TTC8: variants seen among roughly 807,000 people sequenced by gnomAD.
The protein encoded by TTC8 is tetratricopeptide repeat protein 8.
TTC8 carries 47 observed loss-of-function variants against 72.5 expected under a neutral mutation model. The ratio of observed to expected loss-of-function variants is 0.65; its 90% CI spans 0.51 to 0.83. The LOEUF (loss-of-function observed/expected upper bound fraction) is 0.83, where lower values mean the gene tolerates loss of function less well. Ranked by LOEUF, TTC8 falls within the 40% of genes least tolerant of loss-of-function variation. The pLI is 0.00. For synonymous variants in TTC8, 199 were observed against 221.4 expected (o/e 0.90, Z 0.90); for missense variants, 611 against 623.2 (o/e 0.98, Z 0.21).
downstream of TTC8, chr14:88,879,328 A>G (rs2094966905): frequency 6.6e-6 from 1 of 152,166 alleles, no homozygotes; most frequent in Admixed American, 6.5e-5. Flanking sequence ...AGAACACAAA[A>G]AATACTAATA....
At chr14:88,832,152 C>G (rs2094728703) in intron 1 of TTC8, among the ~76,000 whole-genome samples, 1 of 152,202 alleles carries the variant, frequency 6.6e-6, no homozygotes, top group Non-Finnish European at 1.5e-5. Context: ...ACACACTCTT[C>G]ATCCACATGA....
intron 8 of TTC8, among the ~76,000 whole-genome samples, chr14:88,856,526 T>C (rs61509961): frequency 0.033 from 5,052 of 152,228 alleles, 292 homozygotes; most frequent in African/African-American, 0.12. Flanking sequence ...GAAAGTTGTG[T>C]GTGTTTTAAT....
intron 1 of TTC8, chr14:88,830,972 C>T: frequency 4.4e-6 from 2 of 455,296 alleles, no homozygotes; most frequent in Non-Finnish European, 8.8e-6. Context: ...ATCCCACATA[C>T]TCAGCAGAGT....
Position 88,877,568 on chromosome 14 carries a change from T to C in TTC8, c.*158T>C, listed in dbSNP as rs1566864007. 1.7e-6 allele frequency: 1 copy of C among 603,410 alleles called. No homozygotes were observed. The highest frequency in any genetic ancestry group is 2.8e-5 in the East Asian group (1 of 35,308). The allele number at this position is 603,410 out of a possible 1,614,324, so 37.4% of individuals were successfully genotyped here. A position where few individuals can be genotyped will look rare whatever the true frequency, so the allele number is the denominator to read the frequency against. On this transcript the variant is annotated 3_prime_UTR_variant, in exon 15 of 15. Transcript: ENST00000380656. Reference sequence around the variant, plus strand: ...ACACATAAGGGTGACACAGAATGTGTAATGCAAATTTCATAGTAATAGTAA... The same window carrying C: ...ACACATAAGGGTGACACAGAATGTGCAATGCAAATTTCATAGTAATAGTAA...
chr14:88,859,875 A>AT lies in TTC8; in HGVS notation c.799-1345dup, dbSNP rs1437304266. On this transcript the variant is annotated intron_variant, in intron 9 of 14. Transcript: ENST00000380656. ...ATATAATCATATATAATATAAATAT[A>AT]TTATATATTATATAATATATAATAT... Among the ~76,000 whole-genome samples the AT allele has an allele frequency of 3.4e-3, 405 of 118,402 alleles. 1 individual carries two copies. The highest frequency in any genetic ancestry group is 0.019 in the African/African-American group (363 of 19,402). 77.7% of individuals were successfully genotyped at this position (118,402 alleles called of 152,430 possible).
chr14:88,825,227 C>T (rs1401118552), intron 1 of TTC8, among the ~76,000 whole-genome samples: 1 of 152,238 alleles, frequency 6.6e-6, no homozygotes, highest in Non-Finnish European at 1.5e-5. Context: ...TCTCCACCTC[C>T]TGTTAACATA....
Position 88,870,470 on chromosome 14 carries a change from A to G in TTC8, c.1049+272A>G, listed in dbSNP as rs148744717. 6.2e-3 allele frequency among the ~76,000 whole-genome samples: 947 copies of G among 152,344 alleles called. 11 individuals carry two copies. The highest frequency in any genetic ancestry group is 0.021 in the African/African-American group (882 of 41,580). The stretch of plus-strand genomic sequence containing the variant: ...GTGTTAGCCATTTTGTCATCAACCA[A>G]TAAGTTGAATAGTTACTTAAAACTT... On this transcript the variant is annotated intron_variant, in intron 11 of 14. Coordinates refer to ENST00000380656, the MANE Select transcript of TTC8 (RefSeq NM_144596.4).
chr14:88,838,742 C>T (rs1004128980), intron 2 of TTC8, among the ~76,000 whole-genome samples: 2 of 152,046 alleles, frequency 1.3e-5, no homozygotes, highest in Non-Finnish European at 2.9e-5. Context: ...AAAATATTTG[C>T]CAGTTTAGAT....
At position 88,840,988 on chromosome 14, in the gene TTC8, T is replaced by G. The variant is rs1165880591; in HGVS notation, c.330-49T>G. The G allele has an allele frequency of 2.5e-6, 4 of 1,613,848 alleles. No homozygotes were observed. The Admixed American group carries it at 6.7e-5, about 27-fold the overall frequency. On this transcript the variant is annotated intron_variant, in intron 4 of 14. Coordinates refer to ENST00000380656, the MANE Select transcript of TTC8 (RefSeq NM_144596.4). ...ATATTGATCAGACTGTATGAGAGTC[T>G]TTCCTCAAATGATCTTCTTTGTATT...
Position 88,864,889 on chromosome 14 carries a change from G to A in TTC8, c.909+3557G>A, listed in dbSNP as rs149307559. Among the ~76,000 whole-genome samples the A allele has an allele frequency of 3.5e-3, 529 of 152,324 alleles. 1 individual carries two copies. The highest frequency in any genetic ancestry group is 0.01 in the Middle Eastern group (3 of 294). On this transcript the variant is annotated intron_variant, in intron 10 of 14. Coordinates refer to ENST00000380656, the MANE Select transcript of TTC8 (RefSeq NM_144596.4). ...GTTTTAGCACCGCAGCCTGCACTGT[G>A]TGTGCCTTTAGGGTTTTTGTTACAT... is the stretch of plus-strand genomic sequence containing the variant.
chr14:88,836,196 A>G (rs2094750078), intron 2 of TTC8, among the ~76,000 whole-genome samples: 1 of 152,284 alleles, frequency 6.6e-6, no homozygotes, highest in Non-Finnish European at 1.5e-5. Context: ...AAAATTTTAA[A>G]AAGATATTCC....
rs751577366 is a variant in TTC8 at position 88,872,396 on chromosome 14, G to A, written c.1291G>A (p.Ala431Thr). The change falls in exon 13 of 15, where the codon GCC becomes ACC. Residue 431 changes from alanine (A) to threonine (T), a missense_variant. By Grantham distance (58) the Ala-to-Thr change is moderately conservative. Transcript: ENST00000380656. ...GGCTCTGGTCAACAACAACAACCAC[G>A]CCGAGGCCTACAACAACCTGGCTGT... ...RLALVNNNNH[A>T]EAYNNLAVLE... The A allele has an allele frequency of 1.1e-5, 18 of 1,613,836 alleles. No homozygotes were observed. Among genetic ancestry groups the A allele is most frequent in the East Asian group, 2.2e-5 (1 of 44,866 alleles).
chr14:88,852,670 A>T (rs2140998933), intron 7 of TTC8, among the ~76,000 whole-genome samples: 1 of 152,232 alleles, frequency 6.6e-6, no homozygotes, highest in African/African-American at 2.4e-5. Flanking sequence ...GAGTGGGTAA[A>T]AACTTAGGCA....
chr14:88,829,390 C>T (rs945943087), intron 1 of TTC8, among the ~76,000 whole-genome samples: 14 of 152,206 alleles, frequency 9.2e-5, no homozygotes, highest in African/African-American at 3.1e-4. Context: ...GCTTCTGCAG[C>T]TCATGTTGAT....
intron 10 of TTC8, among the ~76,000 whole-genome samples, chr14:88,867,829 G>A (rs896441495): frequency 6.6e-6 from 1 of 152,218 alleles, no homozygotes; most frequent in South Asian, 2.1e-4. Flanking sequence ...TGCATTGGGC[G>A]TTGCCACCTT....
At chr14:88,868,360 A>G (rs2094919915) in intron 10 of TTC8, among the ~76,000 whole-genome samples, 1 of 152,234 alleles carries the variant, frequency 6.6e-6, no homozygotes, top group African/African-American at 2.4e-5. Context: ...TACATAAACA[A>G]AACTTCTTCT....
At chr14:88,852,005 A>G (rs1299033363) in intron 7 of TTC8, among the ~76,000 whole-genome samples, 1 of 152,208 alleles carries the variant, frequency 6.6e-6, no homozygotes. Context: ...TAGAACTGAA[A>G]ATCTAAGAGG....
In TTC8 at chr14:88,871,606, T is replaced by C. The variant is rs1399763478; in HGVS notation, c.1107T>C (p.Cys369=). ...AGCTTTTTAACAATCTGGGGCTGTGTTGCTTCTATGCCCAGCAGTATGATA... is the reference window on the plus strand; with the variant it reads ...AGCTTTTTAACAATCTGGGGCTGTGCTGCTTCTATGCCCAGCAGTATGATA... ...NGQLFNNLGL[C]CFYAQQYDMT... is the part of the protein sequence containing the mutation. The change falls in exon 12 of 15, where the codon TGT becomes TGC. Residue 369 remains cysteine, a synonymous_variant. Coordinates refer to ENST00000380656, the MANE Select transcript of TTC8 (RefSeq NM_144596.4). This position sits in a 1 kb window ranked among gnomAD's most constrained non-coding sequence, Gnocchi z 4.1. The C allele has an allele frequency of 6.2e-7, 1 of 1,614,164 alleles. No homozygotes were observed. Among genetic ancestry groups the C allele is most frequent in the South Asian group, 1.1e-5 (1 of 91,082 alleles).
chr14:88,868,058 G>C (rs1240771387), intron 10 of TTC8, among the ~76,000 whole-genome samples: 1 of 152,162 alleles, frequency 6.6e-6, no homozygotes, highest in Non-Finnish European at 1.5e-5. Flanking sequence ...ATAGAGGTCA[G>C]ACCATTAGCT....
Sources: gnomAD v4.1 joint callset for allele counts (sites outside exome capture counted in the v4.1 genomes callset) on GRCh38, gnomAD v4.1.1 for gene constraint, Gnocchi (gnomAD v3.1) non-coding constraint, MANE v1.5 for transcripts, NCBI Gene and HGNC (gene_info 2026-07-23, HGNC 2026-07-21) for gene names.